Variants in ATF2 observed in about 807,000 individuals in gnomAD.
The protein encoded by ATF2 is cyclic AMP-dependent transcription factor ATF-2.
Under a neutral mutation model 60.6 loss-of-function variants are expected in ATF2, and 24 were observed. That is an observed-to-expected ratio of 0.40 (90% CI 0.29 to 0.56). The LOEUF (loss-of-function observed/expected upper bound fraction) is 0.56. Among genes scored for constraint, ATF2 ranks in the 20% least tolerant of loss-of-function variants. The pLI is 0.54. For missense variants in ATF2, 433 were observed against 607.7 expected (o/e 0.71, Z 3.02); for synonymous variants, 206 against 215.4 (o/e 0.96, Z 0.38).
chr2:175,092,938 T>C (rs900170309), intron 12 of ATF2, 123 bp downstream of exon 12: 1 of 977,236 alleles, frequency 1.0e-6, no homozygotes. Context: ...TGATTTACTA[T>C]AGATTCCATA....
At chr2:175,153,168 G>C (rs1699424211) in intron 1 of ATF2, among the ~76,000 whole-genome samples, 1 of 152,170 alleles carries the variant, frequency 6.6e-6, no homozygotes, top group South Asian at 2.1e-4. Flanking sequence ...CACATGCAAT[G>C]TTAAGATAAT....
intron 2 of ATF2, among the ~76,000 whole-genome samples, chr2:175,146,156 A>G (rs1698930994): frequency 6.6e-6 from 1 of 152,208 alleles, no homozygotes; most frequent in South Asian, 2.1e-4. Flanking sequence ...TCTAATAATG[A>G]AGAGTATTAT....
At chr2:175,145,875 A>AT (rs751493078) in intron 2 of ATF2, among the ~76,000 whole-genome samples, 83 of 152,300 alleles carry the variant, frequency 5.4e-4, no homozygotes, top group Admixed American at 1.4e-3. Flanking sequence ...GGTTCTATGA[A>AT]CCCATACTGA....
At chr2:175,140,978 T>C (rs866511997) in intron 2 of ATF2, among the ~76,000 whole-genome samples, 5 of 103,226 alleles carry the variant, frequency 4.8e-5, no homozygotes, top group South Asian at 3.7e-4. Flanking sequence ...GCCTGGGGGA[T>C]AGAGCAAGAC....
chr2:175,167,348 C>T (rs1049481321), intron 1 of ATF2, among the ~76,000 whole-genome samples: 1 of 151,952 alleles, frequency 6.6e-6, no homozygotes, highest in Non-Finnish European at 1.5e-5. Flanking sequence ...GGGAAAATAC[C>T]AGAATCAGTC....
chr2:175,152,209 G>C (rs1699356865), intron 1 of ATF2, among the ~76,000 whole-genome samples: 1 of 152,158 alleles, frequency 6.6e-6, no homozygotes, highest in East Asian at 1.9e-4. Context: ...CTACTAAAGA[G>C]AGTTTTCGAA....
At chr2:175,157,307 T>C (rs940614684) in intron 1 of ATF2, among the ~76,000 whole-genome samples, 3 of 152,248 alleles carry the variant, frequency 2.0e-5, no homozygotes, top group African/African-American at 7.2e-5. Flanking sequence ...ACAGCAGTAA[T>C]AGGACCTTGG....
chr2:175,147,747 G>A (rs764585869), intron 2 of ATF2, among the ~76,000 whole-genome samples: 30 of 152,044 alleles, frequency 2.0e-4, no homozygotes, highest in Non-Finnish European at 3.2e-4. Context: ...CTTAAAATCA[G>A]ACTAGTAAGG....
chr2:175,153,247 A>T (rs1288985169), intron 1 of ATF2, among the ~76,000 whole-genome samples: 1 of 152,208 alleles, frequency 6.6e-6, no homozygotes, highest in Non-Finnish European at 1.5e-5. Context: ...AGATGTAAGG[A>T]GCCTCTGCTT....
chr2:175,083,184 G>A (rs532624874), intron 12 of ATF2, among the ~76,000 whole-genome samples: 72 of 151,742 alleles, frequency 4.7e-4, no homozygotes, highest in Admixed American at 7.2e-4. Context: ...AGCCTGCATC[G>A]CCAAGTCAAT....
intron 1 of ATF2, among the ~76,000 whole-genome samples, chr2:175,155,101 C>T (rs1458039153): frequency 6.6e-6 from 1 of 152,134 alleles, no homozygotes; most frequent in Non-Finnish European, 1.5e-5. Context: ...TAAGGCTTTC[C>T]AAGGGATACT....
intron 1 of ATF2, among the ~76,000 whole-genome samples, chr2:175,167,345 T>C (rs1700425519): frequency 6.7e-6 from 1 of 150,020 alleles, no homozygotes; most frequent in African/African-American, 2.5e-5. Flanking sequence ...TAAGGGAAAA[T>C]ACCAGAATCA....
intron 4 of ATF2, among the ~76,000 whole-genome samples, chr2:175,129,370 T>C (rs1697571942): frequency 6.6e-6 from 1 of 152,118 alleles, no homozygotes; most frequent in Non-Finnish European, 1.5e-5. Context: ...TTTACTATCC[T>C]GATTGTGCTG....
rs376720308 is a variant in ATF2, at chr2:175,080,105, G to C, written c.1291+555C>G. Among the ~76,000 whole-genome samples the C allele has an allele frequency of 2.6e-5, 4 of 152,190 alleles. No individual in the cohort carries two copies. The East Asian group carries it at 7.7e-4, about 29-fold the overall frequency. On this transcript the variant is annotated intron_variant, in intron 13 of 13. Transcript: ENST00000264110. ...ACATTTAGCAGGAAATTTACAAGCA[G>C]ATAATTTAACTACTGTTCCCGTTTT...
intron 2 of ATF2, among the ~76,000 whole-genome samples, chr2:175,149,300 A>C (rs970462292): frequency 2.0e-5 from 3 of 152,202 alleles, no homozygotes; most frequent in African/African-American, 7.2e-5. Flanking sequence ...GACACAAAGA[A>C]GACTATGCAA....
chr2:175,131,673 A>G (rs1242437293), intron 3 of ATF2, among the ~76,000 whole-genome samples: 1 of 152,248 alleles, frequency 6.6e-6, no homozygotes, highest in Non-Finnish European at 1.5e-5. Context: ...ACTGATATAT[A>G]AATTTTTAAG....
chr2:175,093,640 T>A (rs1361962825), intron 11 of ATF2, among the ~76,000 whole-genome samples: 2 of 152,192 alleles, frequency 1.3e-5, no homozygotes, highest in Non-Finnish European at 2.9e-5. Flanking sequence ...AAACTAATTA[T>A]AAATTTCTCA....
At chr2:175,105,730 T>C (rs1282044135) in intron 10 of ATF2, among the ~76,000 whole-genome samples, 1 of 152,062 alleles carries the variant, frequency 6.6e-6, no homozygotes, top group Non-Finnish European at 1.5e-5. Context: ...TGAGCTGAAA[T>C]AAATAGCTAT....
chr2:175,083,901 A>T (rs188851060), intron 12 of ATF2, among the ~76,000 whole-genome samples: 3 of 152,344 alleles, frequency 2.0e-5, no homozygotes, highest in African/African-American at 7.2e-5. Flanking sequence ...AAAAATGCTC[A>T]TCACTGGCCA....
Sources: gnomAD v4.1 joint callset for allele counts (sites outside exome capture counted in the v4.1 genomes callset) on GRCh38, gnomAD v4.1.1 for gene constraint, MANE v1.5 for transcripts, NCBI Gene and HGNC (gene_info 2026-07-23, HGNC 2026-07-21) for gene names.